Variants in RPF1 observed in about 807,000 individuals in gnomAD.
RPF1 encodes ribosome production factor 1.
A neutral mutation model predicts 41.9 loss-of-function variants in RPF1; 34 were observed. The ratio of observed to expected loss-of-function variants is 0.81; its 90% confidence interval spans 0.62 to 1.08. The LOEUF (loss-of-function observed/expected upper bound fraction) is 1.08. Among genes scored for constraint, RPF1 ranks in the 50% least tolerant of loss-of-function variants. The pLI, the probability that RPF1 is intolerant of heterozygous loss-of-function variation, is 0.00. For synonymous variants in RPF1, 140 were observed against 148.9 expected (o/e 0.94, Z 0.43); for missense variants, 425 against 435.2 (o/e 0.98, Z 0.21).
In RPF1 at chr1:84,495,898, C is replaced by T; in HGVS notation, c.716C>T (p.Pro239Leu). 1 of 1,605,680 alleles carries T rather than the reference C, an allele frequency of 6.2e-7. No homozygotes were observed. The change falls in exon 7 of 9, where the codon CCC becomes CTC. Residue 239 changes from proline (P) to leucine (L), a missense_variant. By Grantham distance (98) the Pro-to-Leu change is moderately conservative. Transcript: ENST00000370654. ...RKEIKRRGKDPTEHIPEIILN... is the reference protein window; with the variant it reads ...RKEIKRRGKDLTEHIPEIILN... Reference sequence around the variant, plus strand: ...TTTTTCTAGAGAAGAGGCAAGGACCCCACAGAACACATACCTGAAATAATT... The same window carrying T: ...TTTTTCTAGAGAAGAGGCAAGGACCTCACAGAACACATACCTGAAATAATT...
rs751407534 is a variant in RPF1, at chr1:84,490,328, C to A, written c.472C>A (p.Arg158=). ...TSDRPHGRTV[R]LCEQLSTVIP... The stretch of plus-strand genomic sequence containing the variant: ...TTATTTTGTTTTGCAGAGAACAGTA[C>A]GACTCTGTGAACAGCTCTCCACAGT... Residue 158 remains arginine (R), a synonymous_variant, in exon 5 of 9, where the codon CGA becomes AGA. Coordinates refer to ENST00000370654, the MANE Select transcript of RPF1 (RefSeq NM_025065.7). The A allele has an allele frequency of 2.5e-6, 4 of 1,585,934 alleles. No homozygotes were observed. Among genetic ancestry groups the A allele is most frequent in the Admixed American group, 3.8e-5 (2 of 52,556 alleles).
At position 84,489,603 on chromosome 1, in the gene RPF1, T is replaced by G. The variant is rs370306356; in HGVS notation, c.367-30T>G. 4.4e-5 allele frequency: 54 copies of G among 1,231,890 alleles called. No homozygotes were observed. The African/African-American group carries it at 5.9e-4, about 14-fold the overall frequency. 76.3% of individuals were successfully genotyped at this position (1,231,890 alleles called of 1,614,324 possible). On this transcript the variant is annotated intron_variant, in intron 3 of 8. Transcript: ENST00000370654. Reference sequence around the variant, plus strand: ...CTGGCCCAGTAGAGTATTTCTTTGATGTAAAATTATTCCTCTTCTCTGTTC... The same window carrying G: ...CTGGCCCAGTAGAGTATTTCTTTGAGGTAAAATTATTCCTCTTCTCTGTTC...
In RPF1 at chr1:84,495,942, C is replaced by T. The variant is rs139410871; in HGVS notation, c.760C>T (p.Arg254Trp). The T allele has an allele frequency of 3.1e-6, 5 of 1,610,524 alleles. No homozygotes were observed. The highest frequency in any genetic ancestry group is 1.7e-5 in the Admixed American group (1 of 59,960). ...PEIILNNFTT[R>W]LGHSIGRMFA... ...AATAATTCTGAATAATTTTACAACA[C>T]GGCTGGGTCATTCAATTGGACGTAT... Residue 254 changes from arginine (R) to tryptophan (W), a missense_variant, in exon 7 of 9, where the codon CGG becomes TGG. By Grantham distance (101) the Arg-to-Trp change is moderately radical. Transcript: ENST00000370654.
intron 5 of RPF1, among the ~76,000 whole-genome samples, chr1:84,492,994 G>A (rs1681862054): frequency 6.6e-6 from 1 of 152,142 alleles, no homozygotes. Context: ...ACTGAAATAG[G>A]CATGATGACT....
Position 84,482,993 on chromosome 1 carries a change from G to T in RPF1, c.364G>T (p.Glu122Ter), listed in dbSNP as rs143563141. ...DETTVDPNDEEVAYDEATDEF... is the reference protein window; with the variant it reads ...DETTVDPNDE ...AACCACAGTAGACCCTAATGATGAA[G>T]AGGTAATGTTAGAAGTCTTAAATTA... is the stretch of plus-strand genomic sequence containing the variant. The change falls in exon 3 of 9, where the codon GAG (glutamate) becomes TAG (stop). Residue 122 changes from glutamate (E) to a stop codon, truncating the protein, a stop_gained and splice_region_variant. Transcript: ENST00000370654. LOFTEE classifies it high-confidence loss of function. 11 of 1,567,276 alleles carry T rather than the reference G, an allele frequency of 7.0e-6. No individual in the cohort carries two copies. In the African/African-American group the frequency reaches 1.5e-4, roughly 21 times the overall value.
Position 84,495,993 on chromosome 1 carries a change from C to G in RPF1, c.811C>G (p.Pro271Ala). 1 of 1,611,466 alleles carries G rather than the reference C, an allele frequency of 6.2e-7. No homozygotes were observed. The highest frequency in any genetic ancestry group is 8.5e-7 in the Non-Finnish European group (1 of 1,177,628). ...RMFASLFPHN[P>A]QFIGRQVATF... ...GTTTGCATCTCTCTTTCCTCATAAT[C>G]CTCAATTTATCGGAAGGCAGGTTGC... Residue 271 changes from proline (P) to alanine (A), a missense_variant, in exon 7 of 9, where the codon CCT becomes GCT. Pro to Ala is a conservative substitution (Grantham distance 27, BLOSUM62 -1). Coordinates refer to ENST00000370654, the MANE Select transcript of RPF1 (RefSeq NM_025065.7).
chr1:84,482,434 C>T (rs1681666958), intron 2 of RPF1, among the ~76,000 whole-genome samples: 1 of 152,164 alleles, frequency 6.6e-6, no homozygotes, highest in Admixed American at 6.5e-5. Context: ...GTTCAAATTT[C>T]TCCCCCATTT....
rs1271519555 is a variant in RPF1 at position 84,483,012 on chromosome 1, T to A, written c.366+17T>A. On this transcript the variant is annotated intron_variant, in intron 3 of 8. Coordinates refer to ENST00000370654, the MANE Select transcript of RPF1 (RefSeq NM_025065.7). ...GATGAAGAGGTAATGTTAGAAGTCT[T>A]AAATTAGTTTGAATGATCACATATA... is the stretch of plus-strand genomic sequence containing the variant. 9.8e-6 allele frequency: 14 copies of A among 1,433,422 alleles called. No homozygotes were observed. In the South Asian group the frequency reaches 1.6e-4, roughly 16 times the overall value. 88.8% of individuals were successfully genotyped at this position (1,433,422 alleles called of 1,614,324 possible). A position where few individuals can be genotyped will look rare whatever the true frequency, so the allele number is the denominator to read the frequency against.
chr1:84,482,469 A>G (rs1681668547), intron 2 of RPF1, among the ~76,000 whole-genome samples: 2 of 152,204 alleles, frequency 1.3e-5, no homozygotes, highest in African/African-American at 4.8e-5. Context: ...AAATACCCCA[A>G]AGTAAAATTA....
In RPF1 at chr1:84,490,444, T is replaced by G; in HGVS notation, c.588T>G (p.Ile196Met). Reference sequence around the variant, plus strand: ...TCGCAAGAGATTTCACAGACCTGATTGTTATTAATGAAGATCGTAAAACCC... The same window carrying G: ...TCGCAAGAGATTTCACAGACCTGATGGTTATTAATGAAGATCGTAAAACCC... ...QCIARDFTDL[I>M]VINEDRKTPN... is the part of the protein sequence containing the mutation. The change falls in exon 5 of 9, where the codon ATT becomes ATG. Residue 196 changes from isoleucine to methionine, a missense_variant. By Grantham distance (10) the Ile-to-Met change is conservative. Transcript: ENST00000370654. 6.2e-7 allele frequency: 1 copy of G among 1,602,422 alleles called. No homozygotes were observed.
intron 3 of RPF1, 126 bp downstream of exon 3, chr1:84,483,121 G>T: frequency 1.8e-6 from 1 of 551,230 alleles, no homozygotes; most frequent in South Asian, 3.1e-5. Flanking sequence ...CTAAAATGTT[G>T]GCATATTATC....
At chr1:84,481,210 CCCT>C (rs1681641216) in intron 2 of RPF1, among the ~76,000 whole-genome samples, 198 bp downstream of exon 2, 1 of 152,082 alleles carries the variant, frequency 6.6e-6, no homozygotes, top group African/African-American at 2.4e-5. Context: ...TGTTGGAAGC[CCCT>C]CGTCTGCTTC....
chr1:84,493,515 G>A (rs1471335663), intron 5 of RPF1, among the ~76,000 whole-genome samples: 8 of 151,446 alleles, frequency 5.3e-5, no homozygotes, highest in African/African-American at 7.3e-5. Context: ...GCTTGAGCCC[G>A]AGAGGTTGAG....
intron 1 of RPF1, among the ~76,000 whole-genome samples, chr1:84,480,678 G>A (rs554524008): frequency 6.6e-6 from 1 of 152,240 alleles, no homozygotes; most frequent in African/African-American, 2.4e-5. Context: ...AGGCTTTATG[G>A]AAAAAGGTTA....
At chr1:84,479,597 T>G (rs1159058944) in intron 1 of RPF1, 88 bp downstream of exon 1, 1 of 1,294,526 alleles carries the variant, frequency 7.7e-7, no homozygotes, top group Non-Finnish European at 1.1e-6. Flanking sequence ...GGTTGTCTGC[T>G]GGTCTCAAAA....
chr1:84,489,483 G>A, intron 3 of RPF1, 150 bp from the exon 4 acceptor site: 1 of 596,500 alleles, frequency 1.7e-6, no homozygotes, highest in Non-Finnish European at 3.0e-6. Flanking sequence ...CTCTTCACGT[G>A]TCCATTAATG....
intron 5 of RPF1, 24 bp downstream of exon 5, chr1:84,490,496 GT>G: frequency 6.6e-7 from 1 of 1,519,876 alleles, no homozygotes; most frequent in Non-Finnish European, 8.9e-7. Flanking sequence ...TTTTAAGGAG[GT>G]TTTCCTGTCC....
chr1:84,497,493 ATT>A lies in RPF1; in HGVS notation c.*26_*27del. On this transcript the variant is annotated 3_prime_UTR_variant, in exon 9 of 9. Transcript: ENST00000370654. ...TAAAGTACTGAGAGAATGATATTGG[ATT>A]TTGCTGAACAGGCCTATCTTGAACT... The A allele has an allele frequency of 6.3e-7, 1 of 1,580,910 alleles. No individual in the cohort carries two copies. The highest frequency in any genetic ancestry group is 8.7e-7 in the Non-Finnish European group (1 of 1,154,322).
At chr1:84,491,625 T>G (rs939882612) in intron 5 of RPF1, among the ~76,000 whole-genome samples, 7 of 152,204 alleles carry the variant, frequency 4.6e-5, no homozygotes, top group Non-Finnish European at 1.0e-4. Context: ...AGAAAAAAAT[T>G]ATTTTTAAGG....
Sources: allele counts gnomAD v4.1 joint callset (sites outside exome capture counted in the v4.1 genomes callset), GRCh38; gene constraint gnomAD v4.1.1; transcripts MANE v1.5; gene names NCBI Gene and HGNC (gene_info 2026-07-23, HGNC 2026-07-21).